The following CLCN1 variants were observed in gnomAD, a reference collection of about 807,000 sequenced individuals.
CLCN1 encodes chloride channel protein 1.
CLCN1 carries 100 observed loss-of-function variants against 114.5 expected under a neutral mutation model. That is an observed-to-expected ratio of 0.87 (90% CI 0.74 to 1.03). CLCN1 has a LOEUF of 1.03. Among genes scored for constraint, CLCN1 ranks in the 50% least tolerant of loss-of-function variants. CLCN1 has a pLI of 0.00. For synonymous variants in CLCN1, 485 were observed against 487.1 expected (o/e 1.00, Z 0.06); for missense variants, 1,188 against 1,250.0 (o/e 0.95, Z 0.75).
chr7:143,329,986 T>C (rs1336006377), intron 7 of CLCN1, among the ~76,000 whole-genome samples: 1 of 152,108 alleles, frequency 6.6e-6, no homozygotes, highest in Non-Finnish European at 1.5e-5. Context: ...ATCTACCCCC[T>C]CAATTTCTGC....
At chr7:143,322,951 C>T (rs1297169125) in intron 5 of CLCN1, among the ~76,000 whole-genome samples, 1 of 152,214 alleles carries the variant, frequency 6.6e-6, no homozygotes, top group African/African-American at 2.4e-5. Flanking sequence ...TGCCCTGGGC[C>T]CCTCAGGGCG....
In CLCN1 at chr7:143,342,435, C is replaced by T; in HGVS notation, c.1860C>T (p.Tyr620=). Residue 620 remains tyrosine, a synonymous_variant, in exon 16 of 23, where the codon TAC becomes TAT. Coordinates refer to ENST00000343257, the MANE Select transcript of CLCN1 (RefSeq NM_000083.3). The part of the protein sequence containing the change: ...VRDVKFVSAS[Y]TYGELRTLLQ... ...ATGTGAAGTTTGTTTCAGCTTCTTA[C>T]ACATATGGGGAGTTGCGAACCCTGC... The T allele has an allele frequency of 6.2e-7, 1 of 1,614,060 alleles. No homozygotes were observed. Among genetic ancestry groups the T allele is most frequent in the African/African-American group, 1.3e-5 (1 of 75,010 alleles).
At position 143,319,233 on chromosome 7, in the gene CLCN1, G is replaced by C. The variant is rs931929465; in HGVS notation, c.181-522G>C. 5.3e-5 allele frequency among the ~76,000 whole-genome samples: 8 copies of C among 152,312 alleles called. No homozygotes were observed. The East Asian group carries it at 5.8e-4, about 11-fold the overall frequency. On this transcript the variant is annotated intron_variant, in intron 1 of 22. Coordinates refer to ENST00000343257, the MANE Select transcript of CLCN1 (RefSeq NM_000083.3). ...ACTGGGAGATGAAGTGGATGGTCTT[G>C]AAGCTTGATAGAGGACCTGAGGTGC...
rs1187891957 is a variant in CLCN1, at chr7:143,331,572, A to T, written c.1086A>T (p.Gly362=). Residue 362 remains glycine, a synonymous_variant, in exon 10 of 23, where the codon GGA becomes GGT. Coordinates refer to ENST00000343257, the MANE Select transcript of CLCN1 (RefSeq NM_000083.3). The part of the protein sequence containing the change: ...AAIGICCGLL[G]AVFVYLHRQV... ...TCAGGATTTGCTGTGGGCTCCTGGG[A>T]GCTGTATTTGTGTATCTGCATCGCC... The T allele has an allele frequency of 6.2e-7, 1 of 1,613,824 alleles. No individual in the cohort carries two copies. The highest frequency in any genetic ancestry group is 8.5e-7 in the Non-Finnish European group (1 of 1,179,774).
intron 7 of CLCN1, among the ~76,000 whole-genome samples, chr7:143,329,573 G>A (rs1460488268): frequency 2.0e-5 from 3 of 152,146 alleles, no homozygotes; most frequent in African/African-American, 4.8e-5. Context: ...GTGGTCCTGG[G>A]GGATTCAAGA....
At position 143,324,517 on chromosome 7, in the gene CLCN1, T is replaced by A; in HGVS notation, c.853+25T>A. 6.3e-7 allele frequency: 1 copy of A among 1,583,026 alleles called. No individual in the cohort carries two copies. Among genetic ancestry groups the A allele is most frequent in the African/African-American group, 1.3e-5 (1 of 74,396 alleles). On this transcript the variant is annotated intron_variant, in intron 7 of 22. Coordinates refer to ENST00000343257, the MANE Select transcript of CLCN1 (RefSeq NM_000083.3). This position sits in a 1 kb window ranked among gnomAD's most constrained non-coding sequence, Gnocchi z 4.6. ...GGCAAGTGATTGACCCCCTCCCCCA[T>A]CAATCGGCTTGCCTGGCCTGGCTCC... is the stretch of plus-strand genomic sequence containing the variant.
chr7:143,337,192 C>T (rs1026816143), intron 12 of CLCN1, among the ~76,000 whole-genome samples: 1 of 152,162 alleles, frequency 6.6e-6, no homozygotes, highest in Non-Finnish European at 1.5e-5. Flanking sequence ...TGCATGAATA[C>T]TATTTGTTCA....
intron 16 of CLCN1, 85 bp downstream of exon 16, chr7:143,342,590 C>T: frequency 6.9e-7 from 1 of 1,449,448 alleles, no homozygotes; most frequent in Non-Finnish European, 9.6e-7. Flanking sequence ...ATGGTGGGGG[C>T]TTTGTCTTTA....
chr7:143,316,845 G>A (rs1391972559), intron 1 of CLCN1, among the ~76,000 whole-genome samples: 11 of 152,228 alleles, frequency 7.2e-5, no homozygotes, highest in Non-Finnish European at 1.2e-4. Flanking sequence ...CAGAAGAAAG[G>A]AATTGGGCAA....
At position 143,339,347 on chromosome 7, in the gene CLCN1, G is replaced by A; in HGVS notation, c.1471+25G>A. Reference sequence around the variant, plus strand: ...GGTAAGTTCTGATGGGAAGCCTGGGGTCTGACTGAGAGTTGCAATCTAGGA... The same window carrying A: ...GGTAAGTTCTGATGGGAAGCCTGGGATCTGACTGAGAGTTGCAATCTAGGA... On this transcript the variant is annotated intron_variant, in intron 13 of 22. Transcript: ENST00000343257. This position sits in a 1 kb window ranked among gnomAD's most constrained non-coding sequence, Gnocchi z 4.1. 2 of 1,573,192 alleles carry A rather than the reference G, an allele frequency of 1.3e-6. No homozygotes were observed. Among genetic ancestry groups the A allele is most frequent in the East Asian group, 2.2e-5 (1 of 44,722 alleles).
intron 12 of CLCN1, among the ~76,000 whole-genome samples, chr7:143,336,788 A>G (rs1290838288): frequency 6.6e-6 from 1 of 152,188 alleles, no homozygotes; most frequent in Non-Finnish European, 1.5e-5. Flanking sequence ...CCTTTGTGCT[A>G]TAGGAGTTGA....
Position 143,323,300 on chromosome 7 carries a change from C to G in CLCN1, c.697-9C>G, listed in dbSNP as rs201207110. On this transcript the variant is annotated splice_polypyrimidine_tract_variant and intron_variant, in intron 5 of 22. Coordinates refer to ENST00000343257, the MANE Select transcript of CLCN1 (RefSeq NM_000083.3). Reference sequence around the variant, plus strand: ...TCTGACCCCCGCCCCCTCGCTCCCCCTCTCCCAGGGCCCCTTCGTCCACAT... The same window carrying G: ...TCTGACCCCCGCCCCCTCGCTCCCCGTCTCCCAGGGCCCCTTCGTCCACAT... 1 of 1,599,130 alleles carries G rather than the reference C, an allele frequency of 6.3e-7. No homozygotes were observed. Among genetic ancestry groups the G allele is most frequent in the Non-Finnish European group, 8.6e-7 (1 of 1,166,376 alleles).
intron 10 of CLCN1, 55 bp downstream of exon 10, chr7:143,331,707 G>A (rs1563079338): frequency 1.1e-5 from 14 of 1,269,622 alleles, no homozygotes; most frequent in Non-Finnish European, 1.5e-5. Flanking sequence ...TTCTCCAAGA[G>A]TTCCTCCCTT....
In CLCN1 at chr7:143,332,792, TGA is replaced by T. The variant is rs1195210606; in HGVS notation, c.1324_1325del (p.Ser442ProfsTer66). 1 of 1,614,050 alleles carries T rather than the reference TGA, an allele frequency of 6.2e-7. No individual in the cohort carries two copies. Among genetic ancestry groups the T allele is most frequent in the Non-Finnish European group, 8.5e-7 (1 of 1,180,008 alleles). ...NTWVKHAGDP[E>X]SLGQSAVWIH... ...CATGGGTGAAACACGCGGGTGATCC[TGA>T]GAGCCTGGGCCAGTCAGCTGTGTGG... On this transcript the variant is annotated frameshift_variant, in exon 12 of 23. Coordinates refer to ENST00000343257, the MANE Select transcript of CLCN1 (RefSeq NM_000083.3). LOFTEE classifies it high-confidence loss of function.
rs763640926 is a variant in CLCN1, at chr7:143,321,707, G to T, written c.563-8G>T. ...TTGACCCTGCACATAATCTTTCAAC[G>T]CTTTTAGGCTCTGGAATCCCCGAAA... is the stretch of plus-strand genomic sequence containing the variant. On this transcript the variant is annotated splice_region_variant and splice_polypyrimidine_tract_variant and intron_variant, in intron 4 of 22. Coordinates refer to ENST00000343257, the MANE Select transcript of CLCN1 (RefSeq NM_000083.3). The surrounding 1 kb of genome is among the most constrained non-coding windows in gnomAD (Gnocchi z 4.2). 6.2e-7 allele frequency: 1 copy of T among 1,614,196 alleles called. No individual in the cohort carries two copies. Among genetic ancestry groups the T allele is most frequent in the Non-Finnish European group, 8.5e-7 (1 of 1,180,032 alleles).
Position 143,351,644 on chromosome 7 carries a change from T to TC in CLCN1, c.2650dup (p.Leu884ProfsTer28). 6.2e-7 allele frequency: 1 copy of TC among 1,614,080 alleles called. No homozygotes were observed. Among genetic ancestry groups the TC allele is most frequent in the Non-Finnish European group, 8.5e-7 (1 of 1,180,014 alleles). Reference sequence around the variant, plus strand: ...CCAAGTCTGGGGTGCAGCTCCGCCCTCCCCTTGCCAGCTTCCGGAACACGA... The same window carrying TC: ...CCAAGTCTGGGGTGCAGCTCCGCCCTCCCCCTTGCCAGCTTCCGGAACACGA... On this transcript the variant is annotated frameshift_variant, in exon 23 of 23. Transcript: ENST00000343257. LOFTEE classifies it high-confidence loss of function.
intron 12 of CLCN1, among the ~76,000 whole-genome samples, chr7:143,334,183 A>C (rs1802807485): frequency 6.6e-6 from 1 of 151,936 alleles, no homozygotes; most frequent in Admixed American, 6.6e-5. Flanking sequence ...ATTGCACTCC[A>C]GCCTGGGCGA....
intron 7 of CLCN1, among the ~76,000 whole-genome samples, chr7:143,325,107 T>A (rs1390936094): frequency 4.6e-5 from 7 of 152,260 alleles, no homozygotes; most frequent in Admixed American, 3.3e-4. Flanking sequence ...TTATCATGGA[T>A]GATTAACAAA....
At chr7:143,326,173 C>T (rs1366190793) in intron 7 of CLCN1, among the ~76,000 whole-genome samples, 5 of 152,072 alleles carry the variant, frequency 3.3e-5, no homozygotes, top group Admixed American at 6.6e-5. Flanking sequence ...TGCGCCATCA[C>T]GCCTGGCTAA....
Sources: gnomAD v4.1 joint callset for allele counts (sites outside exome capture counted in the v4.1 genomes callset) on GRCh38, gnomAD v4.1.1 for gene constraint, Gnocchi (gnomAD v3.1) non-coding constraint, MANE v1.5 for transcripts, NCBI Gene and HGNC (gene_info 2026-07-23, HGNC 2026-07-21) for gene names.